COL4A4: variants seen among roughly 807,000 people sequenced by gnomAD.
COL4A4 encodes the protein collagen alpha-4(IV) chain.
A neutral mutation model predicts 192.9 loss-of-function variants in COL4A4; 105 were observed. The observed-to-expected ratio is 0.54, with a 90% CI of 0.46 to 0.64. The LOEUF (loss-of-function observed/expected upper bound fraction) is 0.64. COL4A4 is among the 30% of genes least tolerant of loss of function. The pLI is 0.00. For synonymous variants in COL4A4, 762 were observed against 769.9 expected (o/e 0.99, Z 0.17); for missense variants, 1,967 against 2,169.3 (o/e 0.91, Z 1.85).
intron 44 of COL4A4, among the ~76,000 whole-genome samples, chr2:227,021,018 A>T (rs1965914224): frequency 1.3e-5 from 2 of 151,340 alleles, no homozygotes; most frequent in Admixed American, 1.3e-4. Flanking sequence ...GGTGCCCGCC[A>T]CCAAGCCCTG....
At chr2:227,062,312 C>T (rs1359120843) in intron 26 of COL4A4, among the ~76,000 whole-genome samples, 1 of 151,622 alleles carries the variant, frequency 6.6e-6, no homozygotes, top group Non-Finnish European at 1.5e-5. Context: ...TTTTATTGTA[C>T]AAAGATTTGA....
At chr2:227,144,068 C>T (rs919884039) in intron 3 of COL4A4, among the ~76,000 whole-genome samples, 5 of 152,178 alleles carry the variant, frequency 3.3e-5, no homozygotes, top group African/African-American at 1.2e-4. Flanking sequence ...ACCTGAGTTG[C>T]AGGCAGGCCA....
rs543257275 is a variant in COL4A4, at chr2:227,051,607, G to T, written c.2969-449C>A. Among the ~76,000 whole-genome samples, 3 of 152,276 alleles carry T rather than the reference G, an allele frequency of 2.0e-5. No individual in the cohort carries two copies. In the East Asian group the frequency reaches 5.8e-4, roughly 29 times the overall value. On this transcript the variant is annotated intron_variant, in intron 32 of 47. Coordinates refer to ENST00000396625, the MANE Select transcript of COL4A4 (RefSeq NM_000092.5). ...CATTGGGGTGTCTGTTAGAAAGGCA[G>T]GATACCTGGCTGCCCCAGAGCTGCT...
intron 44 of COL4A4, among the ~76,000 whole-genome samples, chr2:227,015,629 C>G (rs1485736887): frequency 1.3e-5 from 2 of 152,170 alleles, no homozygotes; most frequent in Non-Finnish European, 2.9e-5. Context: ...TTTCTGCTAG[C>G]CTGTGGCTCC....
chr2:227,009,802 G>A (rs543539405), intron 46 of COL4A4, among the ~76,000 whole-genome samples: 10 of 151,800 alleles, frequency 6.6e-5, no homozygotes, highest in South Asian at 2.1e-4. Flanking sequence ...AGCGGAGAGC[G>A]GAGAAGTGAC....
chr2:227,045,836 A>AG (rs1972469832), intron 35 of COL4A4, among the ~76,000 whole-genome samples: 3 of 78,410 alleles, frequency 3.8e-5, no homozygotes, highest in African/African-American at 2.0e-4. Context: ...ATATATACAC[A>AG]CATATATATA....
intron 20 of COL4A4, among the ~76,000 whole-genome samples, chr2:227,092,099 G>A (rs2150659467): frequency 6.6e-6 from 1 of 151,954 alleles, no homozygotes; most frequent in Middle Eastern, 3.4e-3. Context: ...CTTCCAGAAA[G>A]GAAAATGGAT....
At chr2:227,111,204 C>A (rs4306709) in intron 9 of COL4A4, among the ~76,000 whole-genome samples, 3 of 152,098 alleles carry the variant, frequency 2.0e-5, no homozygotes, top group Middle Eastern at 6.8e-3. Flanking sequence ...GTGAAACTTT[C>A]TCACATCAGA....
At chr2:227,156,186 C>T (rs1166662064) in intron 1 of COL4A4, among the ~76,000 whole-genome samples, 1 of 151,950 alleles carries the variant, frequency 6.6e-6, no homozygotes, top group African/African-American at 2.4e-5. Context: ...ATCACTTGAG[C>T]CCAGGAGTTT....
At chr2:227,105,236 G>C (rs1314639657) in intron 12 of COL4A4, among the ~76,000 whole-genome samples, 4 of 141,618 alleles carry the variant, frequency 2.8e-5, no homozygotes, top group South Asian at 2.2e-4. Context: ...TGTCACTCAG[G>C]CTGGGGCACA....
At chr2:227,059,667 G>T in intron 27 of COL4A4, 44 bp from the exon 28 acceptor site, 2 of 1,386,104 alleles carry the variant, frequency 1.4e-6, no homozygotes, top group Non-Finnish European at 2.1e-6. Context: ...ACATGTGCAA[G>T]TATAGAACCA....
Position 227,105,906 on chromosome 2 carries a change from A to C in COL4A4, c.736-1854T>G, listed in dbSNP as rs115304404. Among the ~76,000 whole-genome samples, 524 of 152,242 alleles carry C rather than the reference A, an allele frequency of 3.4e-3. 2 individuals are homozygous for C. The highest frequency in any genetic ancestry group is 0.012 in the African/African-American group (492 of 41,554). On this transcript the variant is annotated intron_variant, in intron 12 of 47. Coordinates refer to ENST00000396625, the MANE Select transcript of COL4A4 (RefSeq NM_000092.5). ...GAGATTGTAATATTACCTACCTCAA[A>C]CTATTCTTCCATTGAATAGATAATA... is the stretch of plus-strand genomic sequence containing the variant.
rs1973749497 is a variant in COL4A4 at position 227,050,051 on chromosome 2, G to C, written c.3214+17C>G. ...ACTATGCATTTGACAGATGGCTTCT[G>C]TATCTCCAAACCATACCTTTAGGTC... On this transcript the variant is annotated intron_variant, in intron 34 of 47. Coordinates refer to ENST00000396625, the MANE Select transcript of COL4A4 (RefSeq NM_000092.5). 3.7e-6 allele frequency: 6 copies of C among 1,612,020 alleles called. No homozygotes were observed. The Admixed American group carries it at 8.3e-5, about 22-fold the overall frequency.
intron 37 of COL4A4, among the ~76,000 whole-genome samples, chr2:227,038,518 T>A (rs1216129777): frequency 6.6e-6 from 1 of 152,234 alleles, no homozygotes; most frequent in Non-Finnish European, 1.5e-5. Flanking sequence ...CTGGCTTTAT[T>A]CTTTTTGTTT....
At chr2:227,041,901 A>G (rs1021607843) in intron 37 of COL4A4, among the ~76,000 whole-genome samples, 2 of 150,618 alleles carry the variant, frequency 1.3e-5, no homozygotes, top group South Asian at 2.1e-4. Flanking sequence ...AAAGAAAGAA[A>G]GAAAGAAAGA....
At chr2:227,044,855 G>T (rs559461755) in intron 35 of COL4A4, among the ~76,000 whole-genome samples, 3 of 152,176 alleles carry the variant, frequency 2.0e-5, no homozygotes, top group African/African-American at 7.2e-5. Flanking sequence ...CTCTGTGCTA[G>T]TGAATAACAT....
Position 227,150,040 on chromosome 2 carries a change from G to A in COL4A4, c.-101-2456C>T, listed in dbSNP as rs182239338. ...ATTTTGTCTTTTTTTATTCACAGATGTATCCCCAGTACCATCGTAGTGCCT... is the reference window on the plus strand; with the variant it reads ...ATTTTGTCTTTTTTTATTCACAGATATATCCCCAGTACCATCGTAGTGCCT... On this transcript the variant is annotated intron_variant, in intron 1 of 47. Coordinates refer to ENST00000396625, the MANE Select transcript of COL4A4 (RefSeq NM_000092.5). Among the ~76,000 whole-genome samples the A allele has an allele frequency of 2.6e-5, 4 of 152,276 alleles. No homozygotes were observed. The East Asian group carries it at 7.7e-4, about 29-fold the overall frequency.
rs1974315587 is a variant in COL4A4, at chr2:227,052,424, A to G, written c.2861-12T>C. The G allele has an allele frequency of 6.9e-7, 1 of 1,447,776 alleles. No homozygotes were observed. The allele number at this position is 1,447,776 out of a possible 1,614,324, so 89.7% of individuals were successfully genotyped here. A position where few individuals can be genotyped will look rare whatever the true frequency, so the allele number is the denominator to read the frequency against. ...AGGTCCTATGGCTCCTATGGATATT[A>G]ATTATGCAAGAACAAAATGAACAGG... is the stretch of plus-strand genomic sequence containing the variant. On this transcript the variant is annotated splice_polypyrimidine_tract_variant and intron_variant, in intron 31 of 47. Coordinates refer to ENST00000396625, the MANE Select transcript of COL4A4 (RefSeq NM_000092.5).
intron 34 of COL4A4, among the ~76,000 whole-genome samples, chr2:227,048,341 G>A (rs114056770): frequency 1.2e-3 from 179 of 152,168 alleles, no homozygotes; most frequent in African/African-American, 4.1e-3. Flanking sequence ...TTGAGGGGTG[G>A]GATTCTGGCC....
Sources: gnomAD v4.1 joint callset for allele counts (sites outside exome capture counted in the v4.1 genomes callset) on GRCh38, gnomAD v4.1.1 for gene constraint, MANE v1.5 for transcripts, NCBI Gene and HGNC (gene_info 2026-07-23, HGNC 2026-07-21) for gene names.